Variants in RASSF9 observed in about 807,000 individuals in gnomAD.
RASSF9 encodes the protein ras association domain-containing protein 9.
RASSF9 carries 18 observed loss-of-function variants against 21.4 expected under a neutral mutation model. The ratio of observed to expected loss-of-function variants is 0.84; its 90% CI spans 0.58 to 1.25. The LOEUF is 1.25. Among genes scored for constraint, RASSF9 ranks in the 50% most tolerant of loss-of-function variants. RASSF9 has a pLI of 0.00. For missense variants in RASSF9, 480 were observed against 503.2 expected (o/e 0.95, Z 0.44); for synonymous variants, 183 against 179.1 (o/e 1.02, Z -0.18).
chr12:85,810,175 T>C (rs1592527884), intron 1 of RASSF9, among the ~76,000 whole-genome samples: 2 of 152,048 alleles, frequency 1.3e-5, no homozygotes, highest in African/African-American at 4.8e-5. Context: ...TTAGGATTTA[T>C]TTAAAATAAA....
chr12:85,833,123 G>GA (rs1403438409), intron 1 of RASSF9, among the ~76,000 whole-genome samples: 2 of 151,826 alleles, frequency 1.3e-5, no homozygotes, highest in African/African-American at 4.8e-5. Flanking sequence ...AGTAGGATAA[G>GA]ATTAGGTTGG....
At position 85,804,116 on chromosome 12, in the gene RASSF9, G is replaced by A. The variant is rs1249262109; in HGVS notation, c.*586C>T. On this transcript the variant is annotated 3_prime_UTR_variant, in exon 2 of 2. Transcript: ENST00000361228. ...CCTATACGTGTCTGATTCCCTGCCA[G>A]TATTTATACATGTCCCAACAGCAGC... 6.6e-6 allele frequency: 1 copy of A among 152,310 alleles called. No homozygotes were observed. Among genetic ancestry groups the A allele is most frequent in the African/African-American group, 2.4e-5 (1 of 41,450 alleles). The allele number at this position is 152,310 out of a possible 1,614,324, so 9.4% of individuals were successfully genotyped here.
chr12:85,803,700 C>G lies in RASSF9; in HGVS notation c.*1002G>C, dbSNP rs564101749. The G allele has an allele frequency of 1.3e-5, 2 of 152,166 alleles. No individual in the cohort carries two copies. Among genetic ancestry groups the G allele is most frequent in the East Asian group, 3.9e-4 (2 of 5,162 alleles). The allele number at this position is 152,166 out of a possible 1,614,324, so 9.4% of individuals were successfully genotyped here. A position where few individuals can be genotyped will look rare whatever the true frequency, so the allele number is the denominator to read the frequency against. ...TAGTGTGTTGGGGATTTTGCTGGTA[C>G]TTTTTTAGGAACTAAGTCTCTTTTA... On this transcript the variant is annotated 3_prime_UTR_variant, in exon 2 of 2. Transcript: ENST00000361228.
chr12:85,826,602 C>G (rs1357311080), intron 1 of RASSF9, among the ~76,000 whole-genome samples: 1 of 137,956 alleles, frequency 7.2e-6, no homozygotes, highest in Non-Finnish European at 1.5e-5. Context: ...CACCTGCCAC[C>G]GTGCCTGGCT....
Position 85,836,139 on chromosome 12 carries a change from A to G in RASSF9, c.47+16T>C. On this transcript the variant is annotated intron_variant, in intron 1 of 1. Coordinates refer to ENST00000361228, the MANE Select transcript of RASSF9 (RefSeq NM_005447.4). Reference sequence around the variant, plus strand: ...CACAGAGACACACACACACTTACTCACACGCTTGACTTTACCTGTTTTTAT... The same window carrying G: ...CACAGAGACACACACACACTTACTCGCACGCTTGACTTTACCTGTTTTTAT... The G allele has an allele frequency of 6.4e-7, 1 of 1,551,022 alleles. No homozygotes were observed. Among genetic ancestry groups the G allele is most frequent in the Non-Finnish European group, 8.7e-7 (1 of 1,146,924 alleles).
At chr12:85,816,310 A>T (rs1592529846) in intron 1 of RASSF9, among the ~76,000 whole-genome samples, 1 of 74,294 alleles carries the variant, frequency 1.3e-5, no homozygotes, top group African/African-American at 6.0e-5. Flanking sequence ...CTTAAAAGTT[A>T]AAAAAAAAAA....
At chr12:85,810,216 G>T (rs1879922077) in intron 1 of RASSF9, among the ~76,000 whole-genome samples, 1 of 151,970 alleles carries the variant, frequency 6.6e-6, no homozygotes, top group Admixed American at 6.6e-5. Context: ...GGCTGCGGCT[G>T]AGTTTCTATT....
chr12:85,804,953 T>C lies in RASSF9; in HGVS notation c.1057A>G (p.Lys353Glu). ...IKYSDSLLQM[K>E]AKEYELLAKE... ...GCCAGGAGTTCATATTCTTTTGCTT[T>C]CATCTGAAGCAATGAGTCACTGTAT... The change falls in exon 2 of 2, where the codon AAA becomes GAA. Residue 353 changes from lysine (K) to glutamate (E), a missense_variant. By Grantham distance (56) the Lys-to-Glu change is moderately conservative. Transcript: ENST00000361228. 6.2e-7 allele frequency: 1 copy of C among 1,613,886 alleles called. No individual in the cohort carries two copies. Among genetic ancestry groups the C allele is most frequent in the South Asian group, 1.1e-5 (1 of 91,086 alleles).
chr12:85,806,716 T>C (rs1592526704), intron 1 of RASSF9, among the ~76,000 whole-genome samples: 1 of 123,278 alleles, frequency 8.1e-6, no homozygotes, highest in Admixed American at 8.0e-5. Flanking sequence ...GAAGATATAA[T>C]GCAAGAAAAA....
chr12:85,816,980 T>C (rs917715474), intron 1 of RASSF9, among the ~76,000 whole-genome samples: 1 of 151,990 alleles, frequency 6.6e-6, no homozygotes, highest in African/African-American at 2.4e-5. Context: ...AGTTCGGAAA[T>C]AGAGTTAGGA....
chr12:85,811,627 C>T (rs910907523), intron 1 of RASSF9, among the ~76,000 whole-genome samples: 4 of 151,932 alleles, frequency 2.6e-5, no homozygotes, highest in East Asian at 1.9e-4. Context: ...CTGTTATCTT[C>T]GCAATTTGCA....
At position 85,801,107 on chromosome 12, in the gene RASSF9, A is replaced by C. The variant is rs1003491436; in HGVS notation, c.*3595T>G. On this transcript the variant is annotated 3_prime_UTR_variant, in exon 2 of 2. Coordinates refer to ENST00000361228, the MANE Select transcript of RASSF9 (RefSeq NM_005447.4). ...TTACTTTCTGTGTCTACCATTTAAA[A>C]CCCAACTCTAAAATATGTTTTTTCT... The C allele has an allele frequency of 1.6e-4, 25 of 152,074 alleles. 2 individuals carry two copies. In the East Asian group the frequency reaches 3.1e-3, roughly 19 times the overall value. The allele number at this position is 152,074 out of a possible 1,614,324, so 9.4% of individuals were successfully genotyped here. A position where few individuals can be genotyped will look rare whatever the true frequency, so the allele number is the denominator to read the frequency against.
chr12:85,813,078 G>C (rs1879985655), intron 1 of RASSF9, among the ~76,000 whole-genome samples: 1 of 151,826 alleles, frequency 6.6e-6, no homozygotes. Context: ...TGAAAAGATA[G>C]ATATATACTT....
intron 1 of RASSF9, among the ~76,000 whole-genome samples, chr12:85,834,860 C>T (rs1027199986): frequency 6.6e-6 from 1 of 152,012 alleles, no homozygotes; most frequent in African/African-American, 2.4e-5. Context: ...ACCATCAAAA[C>T]ACAAATTTTA....
At chr12:85,806,023 G>T in intron 1 of RASSF9, 61 bp from the exon 2 acceptor site, 1 of 1,495,504 alleles carries the variant, frequency 6.7e-7, no homozygotes. Flanking sequence ...TCAGAAAGAT[G>T]GTTTAACATT....
chr12:85,833,975 A>G (rs917388679), intron 1 of RASSF9, among the ~76,000 whole-genome samples: 1 of 152,050 alleles, frequency 6.6e-6, no homozygotes, highest in Admixed American at 6.5e-5. Context: ...GAAACTGTAA[A>G]CAAAATGAGT....
chr12:85,830,890 A>G (rs1880437155), intron 1 of RASSF9, among the ~76,000 whole-genome samples: 1 of 152,144 alleles, frequency 6.6e-6, no homozygotes, highest in South Asian at 2.1e-4. Flanking sequence ...TATATTAAAA[A>G]TAGTAAAGAA....
At chr12:85,810,129 T>G (rs1237133684) in intron 1 of RASSF9, among the ~76,000 whole-genome samples, 1 of 152,010 alleles carries the variant, frequency 6.6e-6, no homozygotes, top group East Asian at 1.9e-4. Flanking sequence ...AACTATTATA[T>G]GCTTCACCAA....
chr12:85,806,282 C>T (rs1283829211), intron 1 of RASSF9, among the ~76,000 whole-genome samples: 1 of 151,190 alleles, frequency 6.6e-6, no homozygotes, highest in Non-Finnish European at 1.5e-5. Context: ...GATCTCCTGA[C>T]CTTGTGATCC....
Sources: gnomAD v4.1 joint callset for allele counts (sites outside exome capture counted in the v4.1 genomes callset) on GRCh38, gnomAD v4.1.1 for gene constraint, MANE v1.5 for transcripts, NCBI Gene and HGNC (gene_info 2026-07-23, HGNC 2026-07-21) for gene names.